Variants in ZC3H12B observed in about 807,000 individuals in gnomAD.
ZC3H12B encodes the protein probable ribonuclease ZC3H12B.
ZC3H12B carries 7 observed loss-of-function variants against 43.9 expected under a neutral mutation model. The ratio of observed to expected loss-of-function variants is 0.16; its 90% CI spans 0.09 to 0.30. The LOEUF (loss-of-function observed/expected upper bound fraction) is 0.30. ZC3H12B is among the 10% of genes least tolerant of loss of function. ZC3H12B has a pLI of 1.00. For missense variants in ZC3H12B, 475 were observed against 670.2 expected (o/e 0.71, Z 3.22); for synonymous variants, 222 against 241.7 (o/e 0.92, Z 0.76).
At chrX:65,112,412 G>T in the ZC3H12B span, among the ~76,000 whole-genome samples, 1 of 108,274 alleles carries the variant, frequency 9.2e-6, no homozygotes, top group African/African-American at 3.7e-5. Context: ...TGAGGAAGGT[G>T]GTTACAATAG....
chrX:65,212,459 A>T, the ZC3H12B span, among the ~76,000 whole-genome samples: 2 of 59,115 alleles, frequency 3.4e-5, no homozygotes, highest in African/African-American at 1.1e-4. Flanking sequence ...ATTATATAAT[A>T]TGTAATATAA....
chrX:65,465,403 A>G (rs1177446199), intron 3 of ZC3H12B, among the ~76,000 whole-genome samples: 4 of 110,848 alleles, frequency 3.6e-5, no homozygotes, highest in Non-Finnish European at 7.6e-5. Flanking sequence ...ATTTTATTTG[A>G]TACTAGTATA....
intron 3 of ZC3H12B, among the ~76,000 whole-genome samples, chrX:65,477,693 C>T (rs990626790): frequency 5.5e-5 from 6 of 109,615 alleles, no homozygotes; most frequent in South Asian, 8.0e-4. Flanking sequence ...ACACGGGAGG[C>T]GGAGGTTGCA....
the ZC3H12B span, among the ~76,000 whole-genome samples, chrX:65,335,539 G>A: frequency 9.0e-6 from 1 of 111,591 alleles, no homozygotes; most frequent in African/African-American, 3.3e-5. Flanking sequence ...CTCAAAGGTA[G>A]CTCAGAGAAG....
the ZC3H12B span, among the ~76,000 whole-genome samples, chrX:65,213,043 ACT>A: frequency 9.5e-6 from 1 of 105,083 alleles, no homozygotes; most frequent in African/African-American, 3.5e-5. Flanking sequence ...TCCATTCCCT[ACT>A]CTCTTCTCCA....
chrX:65,377,954 C>A (rs552780367), intron 2 of ZC3H12B, among the ~76,000 whole-genome samples: 1 of 110,406 alleles, frequency 9.1e-6, no homozygotes, highest in Non-Finnish European at 1.9e-5. Flanking sequence ...AAAAAATTAA[C>A]CGGGCATGGT....
At chrX:65,318,286 G>A in the ZC3H12B span, among the ~76,000 whole-genome samples, 3 of 109,205 alleles carry the variant, frequency 2.7e-5, no homozygotes, top group Non-Finnish European at 5.7e-5. Flanking sequence ...GTGATGTTGA[G>A]CACTTTTTCA....
At chrX:65,473,100 G>A (rs192876804) in intron 3 of ZC3H12B, among the ~76,000 whole-genome samples, 12,051 of 102,489 alleles carry the variant, frequency 0.12, 1,985 homozygotes, top group African/African-American at 0.41. Flanking sequence ...TGCAACCTCT[G>A]CCTCCCGGGT....
At chrX:65,382,481 C>T (rs1356426552) in intron 2 of ZC3H12B, among the ~76,000 whole-genome samples, 23 of 111,220 alleles carry the variant, frequency 2.1e-4, no homozygotes, top group African/African-American at 7.2e-4. Context: ...TTATGACAAA[C>T]CCACAGCCAA....
intron 2 of ZC3H12B, among the ~76,000 whole-genome samples, chrX:65,373,155 T>C (rs959661198): frequency 1.8e-5 from 2 of 112,393 alleles, no homozygotes; most frequent in Non-Finnish European, 3.8e-5. Context: ...TTGAAAGAGA[T>C]AGCATATGTA....
chrX:65,073,942 T>C, the ZC3H12B span, among the ~76,000 whole-genome samples: 6 of 112,044 alleles, frequency 5.4e-5, no homozygotes, highest in Non-Finnish European at 7.5e-5. Flanking sequence ...TCTGAAGATC[T>C]GCTAGGAGTG....
At chrX:65,197,605 T>C in the ZC3H12B span, among the ~76,000 whole-genome samples, 2 of 112,121 alleles carry the variant, frequency 1.8e-5, no homozygotes, top group Non-Finnish European at 3.8e-5. Context: ...ATGGGTGATA[T>C]TCTACTAACA....
intron 2 of ZC3H12B, among the ~76,000 whole-genome samples, chrX:65,381,784 C>T (rs369146793): frequency 8.9e-6 from 1 of 111,789 alleles, no homozygotes; most frequent in African/African-American, 3.3e-5. Flanking sequence ...CACCACCGAT[C>T]CCACAGAAAT....
chrX:65,222,945 AG>A, the ZC3H12B span, among the ~76,000 whole-genome samples: 1 of 111,658 alleles, frequency 9.0e-6, no homozygotes, highest in African/African-American at 3.2e-5. Context: ...CTAAGCAAAA[AG>A]AACAAATCTG....
At chrX:65,387,162 C>T (rs1485714600) in intron 2 of ZC3H12B, among the ~76,000 whole-genome samples, 1 of 111,592 alleles carries the variant, frequency 9.0e-6, no homozygotes, top group Non-Finnish European at 1.9e-5. Flanking sequence ...TCTATTAGGT[C>T]CGCTTGGTGC....
At chrX:65,393,583 G>T (rs2066656148) in intron 2 of ZC3H12B, among the ~76,000 whole-genome samples, 1 of 111,737 alleles carries the variant, frequency 8.9e-6, no homozygotes, top group African/African-American at 3.3e-5. Context: ...CCATACCCCT[G>T]CAAAGAACAT....
the ZC3H12B span, among the ~76,000 whole-genome samples, chrX:65,307,826 G>A: frequency 1.2e-3 from 133 of 111,828 alleles, no homozygotes; most frequent in Non-Finnish European, 2.1e-3. Context: ...AACATTTAAA[G>A]TTGTCACCAG....
At chrX:65,459,384 G>C (rs2067694850) in intron 3 of ZC3H12B, among the ~76,000 whole-genome samples, 1 of 111,540 alleles carries the variant, frequency 9.0e-6, no homozygotes, top group Non-Finnish European at 1.9e-5. Flanking sequence ...TGATACCAAA[G>C]CCTGGCAGAG....
chrX:65,358,934 A>G, the ZC3H12B span, among the ~76,000 whole-genome samples: 299 of 111,859 alleles, frequency 2.7e-3, no homozygotes, highest in African/African-American at 8.8e-3. Flanking sequence ...ACTTCAAAGG[A>G]CAGGCTGACT....
Sources: allele counts gnomAD v4.1 joint callset (sites outside exome capture counted in the v4.1 genomes callset), GRCh38; gene constraint gnomAD v4.1.1; transcripts MANE v1.5; gene names NCBI Gene and HGNC (gene_info 2026-07-23, HGNC 2026-07-21).